The following LRMDA variants were observed in gnomAD, a reference collection of about 807,000 sequenced individuals.
LRMDA encodes the protein leucine rich melanocyte differentiation associated, also known as leucine-rich melanocyte differentiation-associated protein.
Under a neutral mutation model 29.8 loss-of-function variants are expected in LRMDA, and 18 were observed. The ratio of observed to expected loss-of-function variants is 0.60; its 90% CI spans 0.42 to 0.90. LRMDA has a LOEUF of 0.90. LRMDA is among the 40% of genes least tolerant of loss of function. The pLI is 0.00. For missense variants in LRMDA, 273 were observed against 273.9 expected (o/e 1.00, Z 0.02); for synonymous variants, 125 against 109.4 (o/e 1.14, Z -0.89).
chr10:76,553,547 T>C (rs1055648627), intron 6 of LRMDA, among the ~76,000 whole-genome samples: 3 of 152,194 alleles, frequency 2.0e-5, no homozygotes, highest in Admixed American at 1.3e-4. Flanking sequence ...AGAAACACAA[T>C]GCCACCTCAC....
intron 2 of LRMDA, among the ~76,000 whole-genome samples, chr10:76,003,011 T>A (rs1589283921): frequency 6.6e-6 from 1 of 152,338 alleles, no homozygotes; most frequent in South Asian, 2.1e-4. Context: ...CAAACGGAAA[T>A]GATGAGTTTT....
chr10:76,457,707 T>G (rs926396303), intron 6 of LRMDA, among the ~76,000 whole-genome samples: 3 of 152,174 alleles, frequency 2.0e-5, no homozygotes, highest in African/African-American at 7.2e-5. Context: ...ATATCTTAAA[T>G]AAGTTTCCTT....
chr10:75,656,895 T>C (rs1841682754), intron 2 of LRMDA, among the ~76,000 whole-genome samples: 1 of 152,238 alleles, frequency 6.6e-6, no homozygotes, highest in Admixed American at 6.5e-5. Context: ...CAAGTTCATA[T>C]ATTTAACTAC....
chr10:76,457,018 C>T (rs192291460), intron 6 of LRMDA, among the ~76,000 whole-genome samples: 99 of 152,208 alleles, frequency 6.5e-4, no homozygotes, highest in Non-Finnish European at 1.6e-4. Flanking sequence ...TGAACATTTT[C>T]GGCAGTTCCA....
rs867136595 is a variant in LRMDA at position 76,555,776 on chromosome 10, A to G, written c.602-1433A>G. ...TTATCACAAATTAACCAAAAAAAAA[A>G]AAAAAAAAAAAATGGGCTTGTTGGT... On this transcript the variant is annotated intron_variant, in intron 6 of 6. Transcript: ENST00000611255. Among the ~76,000 whole-genome samples the G allele has an allele frequency of 6.4e-3, 967 of 151,700 alleles. 7 individuals are homozygous for G. The highest frequency in any genetic ancestry group is 0.023 in the African/African-American group (936 of 41,252).
At chr10:75,945,295 A>G (rs1360532555) in intron 2 of LRMDA, among the ~76,000 whole-genome samples, 1 of 152,152 alleles carries the variant, frequency 6.6e-6, no homozygotes. Flanking sequence ...CTGTCTTGTA[A>G]TCTTCCCAGC....
intron 2 of LRMDA, among the ~76,000 whole-genome samples, chr10:75,706,415 A>G (rs959404884): frequency 3.3e-5 from 5 of 152,218 alleles, no homozygotes; most frequent in Non-Finnish European, 7.3e-5. Flanking sequence ...TAAAAGTCTT[A>G]GATAAGTTTC....
chr10:75,819,828 T>C (rs541054346), intron 2 of LRMDA, among the ~76,000 whole-genome samples: 1 of 152,320 alleles, frequency 6.6e-6, no homozygotes, highest in Admixed American at 6.5e-5. Flanking sequence ...TAACTGCTAG[T>C]AGCCATATGT....
At chr10:75,467,002 G>A (rs759150587) in intron 2 of LRMDA, among the ~76,000 whole-genome samples, 1 of 152,026 alleles carries the variant, frequency 6.6e-6, no homozygotes, top group Non-Finnish European at 1.5e-5. Context: ...TGCTTGTTGT[G>A]TGTGATGTGG....
At chr10:76,508,163 T>C (rs1842977121) in intron 6 of LRMDA, among the ~76,000 whole-genome samples, 1 of 152,196 alleles carries the variant, frequency 6.6e-6, no homozygotes, top group Admixed American at 6.5e-5. Flanking sequence ...GTTGTGGTGA[T>C]ACCAGCTTTG....
At chr10:75,572,817 G>A (rs1840454370) in intron 2 of LRMDA, among the ~76,000 whole-genome samples, 1 of 152,176 alleles carries the variant, frequency 6.6e-6, no homozygotes, top group East Asian at 1.9e-4. Flanking sequence ...GGCCATAACG[G>A]TGGAGCCCTG....
chr10:76,217,658 G>C (rs1397415511), intron 5 of LRMDA, among the ~76,000 whole-genome samples: 1 of 152,156 alleles, frequency 6.6e-6, no homozygotes, highest in Non-Finnish European at 1.5e-5. Context: ...ATGAGTCAAG[G>C]GGAAACGCGT....
At chr10:75,443,620 G>T (rs755581553) in intron 2 of LRMDA, among the ~76,000 whole-genome samples, 6 of 152,156 alleles carry the variant, frequency 3.9e-5, no homozygotes, top group Non-Finnish European at 8.8e-5. Context: ...ATTGTGTTGA[G>T]TATTTTTGCT....
chr10:76,229,295 G>T (rs777630316), intron 5 of LRMDA, among the ~76,000 whole-genome samples: 3 of 152,188 alleles, frequency 2.0e-5, no homozygotes, highest in African/African-American at 7.2e-5. Context: ...CAATAACCCC[G>T]TGAGATTCGA....
chr10:75,724,955 G>A (rs141935568), intron 2 of LRMDA, among the ~76,000 whole-genome samples: 2 of 152,254 alleles, frequency 1.3e-5, no homozygotes, highest in South Asian at 2.1e-4. Context: ...TATGCACCTT[G>A]ATTTTTCTCT....
chr10:75,507,243 G>GGC (rs1430889323), intron 2 of LRMDA, among the ~76,000 whole-genome samples: 2 of 152,082 alleles, frequency 1.3e-5, no homozygotes, highest in Non-Finnish European at 2.9e-5. Flanking sequence ...AAAGATGGCT[G>GGC]GCTGGAAGCA....
At chr10:75,842,832 A>G (rs1311829667) in intron 2 of LRMDA, among the ~76,000 whole-genome samples, 5 of 151,780 alleles carry the variant, frequency 3.3e-5, no homozygotes, top group Non-Finnish European at 7.4e-5. Context: ...GCTGGAGTCC[A>G]GTAACACAGT....
At chr10:76,133,267 C>CAT (rs1554849761) in intron 5 of LRMDA, among the ~76,000 whole-genome samples, 3 of 150,686 alleles carry the variant, frequency 2.0e-5, no homozygotes, top group Non-Finnish European at 4.4e-5. Context: ...ATATTTATTT[C>CAT]GTGTGTGTGT....
Position 75,560,901 on chromosome 10 carries a change from G to A in LRMDA, c.131+122407G>A, listed in dbSNP as rs1840285282. Among the ~76,000 whole-genome samples, 11 of 151,946 alleles carry A rather than the reference G, an allele frequency of 7.2e-5. No homozygotes were observed. The South Asian group carries it at 1.3e-3, about 17-fold the overall frequency. ...GATGAAGCCCACTTGATCATGGTGG[G>A]TAAGCTTTTTGATGTGCTGCTGGAT... On this transcript the variant is annotated intron_variant, in intron 2 of 6. Coordinates refer to ENST00000611255, the MANE Select transcript of LRMDA (RefSeq NM_001305581.2).
Sources: gnomAD v4.1 joint callset for allele counts (sites outside exome capture counted in the v4.1 genomes callset) on GRCh38, gnomAD v4.1.1 for gene constraint, MANE v1.5 for transcripts, NCBI Gene and HGNC (gene_info 2026-07-23, HGNC 2026-07-21) for gene names.